Variants in CNTNAP5 observed in about 807,000 individuals in gnomAD.
The protein encoded by CNTNAP5 is contactin-associated protein-like 5.
Under a neutral mutation model 150.2 loss-of-function variants are expected in CNTNAP5, and 72 were observed. The ratio of observed to expected loss-of-function variants is 0.48; its 90% confidence interval spans 0.40 to 0.58. The LOEUF is 0.58. CNTNAP5 is among the 20% of genes least tolerant of loss of function. The probability of loss-of-function intolerance (pLI) is 0.00; values close to 1 mark genes in which losing one functional copy is unlikely to be tolerated. For missense variants in CNTNAP5, 1,636 were observed against 1,626.2 expected, an observed-to-expected ratio of 1.01 and a Z score of -0.10; for synonymous variants, 672 against 619.8, an observed-to-expected ratio of 1.08 and a Z score of -1.25.
chr2:124,563,096 G>A lies in CNTNAP5; in HGVS notation c.1650-121G>A, dbSNP rs570104141. The A allele has an allele frequency of 2.8e-5, 18 of 648,280 alleles. No individual in the cohort carries two copies. In the African/African-American group the frequency reaches 3.3e-4, roughly 12 times the overall value. 40.2% of individuals were successfully genotyped at this position (648,280 alleles called of 1,614,324 possible). A position where few individuals can be genotyped will look rare whatever the true frequency, so the allele number is the denominator to read the frequency against. ...TGTCATTCAATCTGCCTTAGGTATGGGAGTATAGCAAATCAATATCTACTA... is the reference window on the plus strand; with the variant it reads ...TGTCATTCAATCTGCCTTAGGTATGAGAGTATAGCAAATCAATATCTACTA... On this transcript the variant is annotated intron_variant, in intron 10 of 23. Coordinates refer to ENST00000682447, the MANE Select transcript of CNTNAP5 (RefSeq NM_001367498.1).
intron 1 of CNTNAP5, among the ~76,000 whole-genome samples, chr2:124,133,347 CA>C (rs1443987165): frequency 6.6e-6 from 1 of 152,154 alleles, no homozygotes; most frequent in Non-Finnish European, 1.5e-5. Context: ...ATAGCTTCTT[CA>C]AAGCTTCTTA....
intron 1 of CNTNAP5, among the ~76,000 whole-genome samples, chr2:124,130,089 T>C (rs772750899): frequency 3.9e-5 from 6 of 152,204 alleles, no homozygotes; most frequent in Non-Finnish European, 8.8e-5. Flanking sequence ...TGAAAATCTC[T>C]CTCTGATTTC....
chr2:124,032,364 G>T (rs575797759), intron 1 of CNTNAP5, among the ~76,000 whole-genome samples: 1 of 152,084 alleles, frequency 6.6e-6, no homozygotes, highest in African/African-American at 2.4e-5. Flanking sequence ...TATTTTTAAA[G>T]CTATGGAGAT....
chr2:124,789,344 A>G (rs771028114), intron 17 of CNTNAP5, among the ~76,000 whole-genome samples: 2 of 152,124 alleles, frequency 1.3e-5, no homozygotes, highest in Non-Finnish European at 2.9e-5. Flanking sequence ...TTTTGTATGT[A>G]TACGGAAAGA....
intron 14 of CNTNAP5, among the ~76,000 whole-genome samples, chr2:124,760,364 T>C (rs1212430493): frequency 6.6e-6 from 1 of 152,072 alleles, no homozygotes; most frequent in Non-Finnish European, 1.5e-5. Context: ...ACCCAAATTA[T>C]ATACTAAAAT....
intron 3 of CNTNAP5, among the ~76,000 whole-genome samples, chr2:124,290,872 T>G (rs1688270368): frequency 6.8e-6 from 1 of 146,994 alleles, no homozygotes; most frequent in African/African-American, 2.5e-5. Flanking sequence ...TCATCTTCCT[T>G]CCTTTATTTA....
At chr2:124,104,052 T>TTA (rs1683121099) in intron 1 of CNTNAP5, among the ~76,000 whole-genome samples, 1 of 148,618 alleles carries the variant, frequency 6.7e-6, no homozygotes, top group South Asian at 2.1e-4. Context: ...TAAATCTATA[T>TTA]TATATATAGA....
intron 3 of CNTNAP5, among the ~76,000 whole-genome samples, chr2:124,318,810 T>C (rs1689030689): frequency 6.6e-6 from 1 of 151,900 alleles, no homozygotes; most frequent in South Asian, 2.1e-4. Context: ...CAGTCTTCCA[T>C]CTCTATCTCC....
intron 1 of CNTNAP5, among the ~76,000 whole-genome samples, chr2:124,203,024 T>C (rs1329820093): frequency 6.6e-6 from 1 of 152,022 alleles, no homozygotes; most frequent in Non-Finnish European, 1.5e-5. Flanking sequence ...AAGTCCACAG[T>C]CCAAAGTCTC....
chr2:124,553,503 C>CAAAA (rs34211914), intron 10 of CNTNAP5, among the ~76,000 whole-genome samples: 22 of 119,490 alleles, frequency 1.8e-4, no homozygotes, highest in African/African-American at 5.2e-4. Context: ...GACTCTGTCT[C>CAAAA]AAAAAAAAAA....
chr2:124,579,278 A>T (rs1273648184), intron 11 of CNTNAP5, among the ~76,000 whole-genome samples: 1 of 152,194 alleles, frequency 6.6e-6, no homozygotes, highest in Non-Finnish European at 1.5e-5. Flanking sequence ...TCTATAGTAG[A>T]TTCTATTGTA....
At chr2:124,395,454 C>T (rs569742936) in intron 3 of CNTNAP5, among the ~76,000 whole-genome samples, 8 of 152,206 alleles carry the variant, frequency 5.3e-5, no homozygotes, top group African/African-American at 1.9e-4. Flanking sequence ...GATGTGAAAA[C>T]ATGCAGCTGG....
intron 8 of CNTNAP5, among the ~76,000 whole-genome samples, chr2:124,505,405 C>A (rs551675792): frequency 6.6e-6 from 1 of 152,044 alleles, no homozygotes; most frequent in African/African-American, 2.4e-5. Flanking sequence ...TTTGTATAAC[C>A]CCTAAATTCT....
chr2:124,203,685 AC>A (rs1558799628), intron 1 of CNTNAP5, among the ~76,000 whole-genome samples: 2 of 152,192 alleles, frequency 1.3e-5, no homozygotes, highest in Non-Finnish European at 2.9e-5. Flanking sequence ...AGCTGCCAAG[AC>A]TTGGTGACTG....
At position 124,445,288 on chromosome 2, in the gene CNTNAP5, G is replaced by A. The variant is rs544707605; in HGVS notation, c.734-1465G>A. Among the ~76,000 whole-genome samples, 61 of 151,854 alleles carry A rather than the reference G, an allele frequency of 4.0e-4. No individual in the cohort carries two copies. In the Middle Eastern group the frequency reaches 0.014, roughly 34 times the overall value. Reference sequence around the variant, plus strand: ...TTTTTCTGTATTTTTAGTAGAGATGGGGTTTCACCACACTGGCCAGCCTGG... The same window carrying A: ...TTTTTCTGTATTTTTAGTAGAGATGAGGTTTCACCACACTGGCCAGCCTGG... On this transcript the variant is annotated intron_variant, in intron 5 of 23. Coordinates refer to ENST00000682447, the MANE Select transcript of CNTNAP5 (RefSeq NM_001367498.1).
At chr2:124,681,716 A>G (rs1181299388) in intron 13 of CNTNAP5, among the ~76,000 whole-genome samples, 2 of 152,070 alleles carry the variant, frequency 1.3e-5, no homozygotes, top group African/African-American at 4.8e-5. Context: ...GGTGCATGCC[A>G]CCATGGCAGG....
At chr2:124,208,597 A>G (rs976327917) in intron 1 of CNTNAP5, among the ~76,000 whole-genome samples, 1 of 152,192 alleles carries the variant, frequency 6.6e-6, no homozygotes, top group Non-Finnish European at 1.5e-5. Context: ...TAGAAAGCAG[A>G]GACATCCATC....
chr2:124,909,174 G>A (rs1457621658), intron 22 of CNTNAP5, among the ~76,000 whole-genome samples: 1 of 152,078 alleles, frequency 6.6e-6, no homozygotes, highest in Non-Finnish European at 1.5e-5. Flanking sequence ...CAGTCCTGCA[G>A]GCTCCATTCA....
chr2:124,306,245 G>C (rs748849812), intron 3 of CNTNAP5, among the ~76,000 whole-genome samples: 4 of 152,084 alleles, frequency 2.6e-5, no homozygotes, highest in Admixed American at 2.0e-4. Context: ...CCTCCCCAAA[G>C]TGCTCCCAGT....
Sources: allele counts gnomAD v4.1 joint callset (sites outside exome capture counted in the v4.1 genomes callset), GRCh38; gene constraint gnomAD v4.1.1; transcripts MANE v1.5; gene names NCBI Gene and HGNC (gene_info 2026-07-23, HGNC 2026-07-21).